Variants in SKAP1 observed in about 807,000 individuals in gnomAD.
SKAP1 encodes the protein src kinase-associated phosphoprotein 1.
Under a neutral mutation model 58.5 loss-of-function variants are expected in SKAP1, and 44 were observed. The observed-to-expected ratio is 0.75, with a 90% CI of 0.59 to 0.97. SKAP1 has a LOEUF of 0.97. Among genes scored for constraint, SKAP1 ranks in the 50% least tolerant of loss-of-function variants. The probability of loss-of-function intolerance (pLI) is 0.00; values close to 1 mark genes in which losing one functional copy is unlikely to be tolerated. For synonymous variants in SKAP1, 127 were observed against 149.7 expected, an observed-to-expected ratio of 0.85 and a Z score of 1.11; for missense variants, 390 against 435.2, an observed-to-expected ratio of 0.90 and a Z score of 0.92.
At position 48,220,928 on chromosome 17, in the gene SKAP1, A is replaced by G. The variant is rs1490442040; in HGVS notation, c.281-31428T>C. On this transcript the variant is annotated intron_variant, in intron 4 of 12. Transcript: ENST00000336915. ...GCTTTAGGGGTGCTGGTAATGTTCT[A>G]TATCTTGATGTGGGTAGGGCTTACA... Among the ~76,000 whole-genome samples the G allele has an allele frequency of 4.0e-5, 6 of 150,028 alleles. No individual in the cohort carries two copies. In the South Asian group the frequency reaches 6.4e-4, roughly 16 times the overall value.
chr17:48,143,848 C>T (rs952355140), intron 11 of SKAP1, among the ~76,000 whole-genome samples: 3 of 152,212 alleles, frequency 2.0e-5, no homozygotes, highest in Admixed American at 6.5e-5. Flanking sequence ...ACGCTCCTAA[C>T]TTTGACTAAC....
At chr17:48,286,857 A>C (rs1044053355) in intron 4 of SKAP1, among the ~76,000 whole-genome samples, 2 of 152,094 alleles carry the variant, frequency 1.3e-5, no homozygotes, top group Non-Finnish European at 2.9e-5. Flanking sequence ...CAGCACTTTG[A>C]GAGGCCAAGG....
intron 9 of SKAP1, among the ~76,000 whole-genome samples, chr17:48,176,486 AG>A (rs1260243862): frequency 6.6e-6 from 1 of 152,090 alleles, no homozygotes; most frequent in African/African-American, 2.4e-5. Context: ...GGCTCAGAAA[AG>A]CCTCCATTTT....
intron 11 of SKAP1, among the ~76,000 whole-genome samples, chr17:48,155,067 CA>C (rs142211653): frequency 0.21 from 27,354 of 128,626 alleles, 3,671 homozygotes; most frequent in African/African-American, 0.41. Flanking sequence ...GACTCTGTCT[CA>C]AAAAAAAAAA....
chr17:48,437,830 C>T, the SKAP1 span, among the ~76,000 whole-genome samples: 1 of 151,554 alleles, frequency 6.6e-6, no homozygotes, highest in Non-Finnish European at 1.5e-5. Flanking sequence ...AAGTCATCTT[C>T]GACCCTTCCT....
intron 2 of SKAP1, among the ~76,000 whole-genome samples, chr17:48,366,702 C>A (rs1169834716): frequency 6.6e-6 from 1 of 152,158 alleles, no homozygotes; most frequent in African/African-American, 2.4e-5. Flanking sequence ...TCAAGCAAAT[C>A]ATCAAATGGC....
chr17:48,285,964 A>G (rs763891810), intron 4 of SKAP1, among the ~76,000 whole-genome samples: 40 of 152,346 alleles, frequency 2.6e-4, no homozygotes, highest in Non-Finnish European at 5.0e-4. Flanking sequence ...TTACAGAATT[A>G]CTGTGAGAAT....
intron 4 of SKAP1, among the ~76,000 whole-genome samples, chr17:48,249,610 G>C (rs559251654): frequency 6.6e-6 from 1 of 152,074 alleles, no homozygotes; most frequent in East Asian, 1.9e-4. Flanking sequence ...GGAAGTCGAG[G>C]CTGCTGTGAA....
intron 9 of SKAP1, 66 bp from the exon 10 acceptor site, chr17:48,170,725 T>C (rs2064198670): frequency 2.2e-6 from 3 of 1,378,456 alleles, no homozygotes; most frequent in South Asian, 2.4e-5. Context: ...TTTTTTTTTT[T>C]TCGAGATAGA....
intron 3 of SKAP1, among the ~76,000 whole-genome samples, chr17:48,358,769 A>G (rs78596583): frequency 6.6e-6 from 1 of 152,168 alleles, no homozygotes; most frequent in Admixed American, 6.5e-5. Context: ...TGTGGCAAGC[A>G]CTCCTTATGA....
At chr17:48,326,508 ACT>A (rs1187405145) in intron 4 of SKAP1, among the ~76,000 whole-genome samples, 15 of 152,184 alleles carry the variant, frequency 9.9e-5, no homozygotes, top group African/African-American at 3.4e-4. Context: ...TTTTCTGCAA[ACT>A]CAGCATCCCT....
intron 3 of SKAP1, among the ~76,000 whole-genome samples, chr17:48,350,311 C>T (rs1027192195): frequency 6.6e-6 from 1 of 152,060 alleles, no homozygotes; most frequent in Admixed American, 6.5e-5. Flanking sequence ...TCTACATCAT[C>T]GTCTTTTATT....
intron 4 of SKAP1, chr17:48,308,290 G>T (rs929781294): frequency 1.3e-5 from 2 of 152,026 alleles, no homozygotes; most frequent in African/African-American, 4.8e-5. Context: ...ATAATAAAAG[G>T]CTCCAGAGGA....
chr17:48,434,380 T>C (rs904479570), upstream of SKAP1, among the ~76,000 whole-genome samples: 2 of 152,312 alleles, frequency 1.3e-5, no homozygotes, highest in East Asian at 3.9e-4. Context: ...GCACGTTACT[T>C]CAGTGGCCTA....
intron 4 of SKAP1, among the ~76,000 whole-genome samples, chr17:48,271,511 G>A (rs1472170991): frequency 2.0e-5 from 3 of 151,646 alleles, no homozygotes; most frequent in Non-Finnish European, 2.9e-5. Flanking sequence ...GGACCACAGC[G>A]TGTGTCACCA....
chr17:48,313,356 G>A (rs189679300), intron 4 of SKAP1, among the ~76,000 whole-genome samples: 172 of 152,180 alleles, frequency 1.1e-3, no homozygotes, highest in African/African-American at 3.9e-3. Context: ...GCAAGGTGAA[G>A]GCTAAATGTG....
chr17:48,284,246 G>A (rs551938755), intron 4 of SKAP1, among the ~76,000 whole-genome samples: 158 of 152,206 alleles, frequency 1.0e-3, no homozygotes, highest in African/African-American at 3.6e-3. Flanking sequence ...AGTAGGTCAC[G>A]AATAGAACCA....
intron 9 of SKAP1, among the ~76,000 whole-genome samples, chr17:48,178,838 C>T (rs2064327901): frequency 6.6e-6 from 1 of 152,022 alleles, no homozygotes; most frequent in Non-Finnish European, 1.5e-5. Context: ...TAAAACACAA[C>T]AAAAAGGCTG....
intron 4 of SKAP1, among the ~76,000 whole-genome samples, chr17:48,250,746 G>T (rs1249206663): frequency 6.6e-6 from 1 of 151,976 alleles, no homozygotes; most frequent in Non-Finnish European, 1.5e-5. Flanking sequence ...CATCTCTCAG[G>T]AATTATAGCT....
Sources: gnomAD v4.1 joint callset for allele counts (sites outside exome capture counted in the v4.1 genomes callset) on GRCh38, gnomAD v4.1.1 for gene constraint, MANE v1.5 for transcripts, NCBI Gene and HGNC (gene_info 2026-07-23, HGNC 2026-07-21) for gene names.